The following EIF4G2 variants were observed in gnomAD, a reference collection of about 807,000 sequenced individuals.
The protein encoded by EIF4G2 is DAP-5.
In EIF4G2, 8 loss-of-function variants were observed where a neutral mutation model predicts 117.7. That is an observed-to-expected ratio of 0.07 (90% confidence interval 0.04 to 0.12). The LOEUF (loss-of-function observed/expected upper bound fraction) is 0.12. EIF4G2 is among the 10% of genes least tolerant of loss of function. The probability of loss-of-function intolerance (pLI) is 1.00; values close to 1 mark genes in which losing one functional copy is unlikely to be tolerated. For synonymous variants in EIF4G2, 413 were observed against 367.8 expected, an observed-to-expected ratio of 1.12 and a Z score of -1.41; for missense variants, 812 against 1,086.2, an observed-to-expected ratio of 0.75 and a Z score of 3.55.
At chr11:10,799,914 T>A in intron 18 of EIF4G2, 158 bp from the exon 19 acceptor site, 1 of 1,152,542 alleles carries the variant, frequency 8.7e-7, no homozygotes, top group South Asian at 1.6e-5. Context: ...AACATACGGA[T>A]CAAATGAAAG....
chr11:10,797,599 A>C lies in EIF4G2; in HGVS notation c.*217T>G. On this transcript the variant is annotated 3_prime_UTR_variant, in exon 22 of 22. Transcript: ENST00000339995. This position sits in a 1 kb window ranked among gnomAD's most constrained non-coding sequence, Gnocchi z 4.5. ...TTGCATGCTGCTAATATACTATCTA[A>C]ACATTAAAGATACTCCTAAAATATT... is the stretch of plus-strand genomic sequence containing the variant. 1 of 562,378 alleles carries C rather than the reference A, an allele frequency of 1.8e-6. No individual in the cohort carries two copies. Among genetic ancestry groups the C allele is most frequent in the South Asian group, 2.2e-5 (1 of 44,890 alleles). 34.8% of individuals were successfully genotyped at this position (562,378 alleles called of 1,614,324 possible).
In EIF4G2 at chr11:10,804,125, TA is replaced by T. The variant is rs780986160; in HGVS notation, c.550+11del. 16 of 1,614,034 alleles carry T rather than the reference TA, an allele frequency of 9.9e-6. No homozygotes were observed. Among genetic ancestry groups the T allele is most frequent in the Non-Finnish European group, 1.2e-5 (14 of 1,179,986 alleles). ...ATATACAGTAGTACTTATTATCAGC[TA>T]TAAGTCTTACCATCAACATTTCTAG... On this transcript the variant is annotated intron_variant, in intron 7 of 21. Transcript: ENST00000339995.
At position 10,803,801 on chromosome 11, in the gene EIF4G2, A is replaced by G; in HGVS notation, c.702+98T>C. On this transcript the variant is annotated intron_variant, in intron 8 of 21. Transcript: ENST00000339995. This position sits in a 1 kb window ranked among gnomAD's most constrained non-coding sequence, Gnocchi z 4.0. The stretch of plus-strand genomic sequence containing the variant: ...TTCTGTTTAGTAAATTTTGTTGCAC[A>G]TCTGTATTTAACTAGTCAACCTCCC... The G allele has an allele frequency of 7.0e-7, 1 of 1,426,830 alleles. No individual in the cohort carries two copies. Among genetic ancestry groups the G allele is most frequent in the South Asian group, 1.3e-5 (1 of 75,410 alleles). The allele number at this position is 1,426,830 out of a possible 1,614,324, so 88.4% of individuals were successfully genotyped here.
intron 1 of EIF4G2, chr11:10,808,403 C>T: frequency 8.0e-7 from 1 of 1,254,294 alleles, no homozygotes; most frequent in Non-Finnish European, 1.0e-6. Flanking sequence ...CGCTCCCTCG[C>T]CGTCCGAGCA....
At chr11:10,808,164 G>A in intron 1 of EIF4G2, 1 of 1,111,202 alleles carries the variant, frequency 9.0e-7, no homozygotes, top group Non-Finnish European at 1.1e-6. Flanking sequence ...ATCCCCCCGG[G>A]ACTGACAACC....
At position 10,797,588 on chromosome 11, in the gene EIF4G2, T is replaced by C; in HGVS notation, c.*228A>G. On this transcript the variant is annotated 3_prime_UTR_variant, in exon 22 of 22. Transcript: ENST00000339995. The surrounding 1 kb of genome is among the most constrained non-coding windows in gnomAD (Gnocchi z 4.5). Reference sequence around the variant, plus strand: ...TGATGTAATTATTGCATGCTGCTAATATACTATCTAAACATTAAAGATACT... The same window carrying C: ...TGATGTAATTATTGCATGCTGCTAACATACTATCTAAACATTAAAGATACT... The C allele has an allele frequency of 1.9e-6, 1 of 536,114 alleles. No homozygotes were observed. Among genetic ancestry groups the C allele is most frequent in the Non-Finnish European group, 3.3e-6 (1 of 301,428 alleles). 33.2% of individuals were successfully genotyped at this position (536,114 alleles called of 1,614,324 possible).
In EIF4G2 at chr11:10,800,792, T is replaced by C; in HGVS notation, c.1583A>G (p.Glu528Gly). The C allele has an allele frequency of 6.2e-7, 1 of 1,614,236 alleles. No individual in the cohort carries two copies. The highest frequency in any genetic ancestry group is 8.5e-7 in the Non-Finnish European group (1 of 1,180,032). The stretch of plus-strand genomic sequence containing the variant: ...CTTTTTGCTGGTCTTGGCAGGCTTT[T>C]CCTGGATAAGCGGTGGATTAGTTTT... The change falls in exon 16 of 22, where the codon GAA becomes GGA. Residue 528 changes from glutamate to glycine, a missense_variant. Physicochemically the swap from Glu to Gly is moderately conservative, Grantham distance 98. This residue lies in a region of EIF4G2 where 571 missense variants were observed against 642.3 expected (regional missense o/e 0.89). Transcript: ENST00000339995.
At chr11:10,800,026 A>C in intron 18 of EIF4G2, 64 bp downstream of exon 18, 1 of 1,550,424 alleles carries the variant, frequency 6.4e-7, no homozygotes, top group Non-Finnish European at 8.7e-7. Flanking sequence ...AATCCACTCA[A>C]GGTACCTGAA....
intron 13 of EIF4G2, 83 bp downstream of exon 13, chr11:10,801,966 C>CTA (rs1847431687): frequency 2.0e-6 from 1 of 495,568 alleles, no homozygotes; most frequent in Admixed American, 1.0e-4. Flanking sequence ...TAATACTTTA[C>CTA]TAATCTTAAG....
Position 10,802,327 on chromosome 11 carries a change from C to G in EIF4G2, c.1105G>C (p.Gly369Arg). The G allele has an allele frequency of 6.2e-7, 1 of 1,613,738 alleles. No homozygotes were observed. The highest frequency in any genetic ancestry group is 8.5e-7 in the Non-Finnish European group (1 of 1,179,906). ...TGTCCAAACATATCAGCAAGTCCTC[C>G]AAGTGGGTCCCTATCCATTTTCATC... is the stretch of plus-strand genomic sequence containing the variant. The change falls in exon 12 of 22, where the codon GGA becomes CGA. Residue 369 changes from glycine (G) to arginine (R), a missense_variant. Physicochemically the swap from Gly to Arg is moderately radical, Grantham distance 125. Coordinates refer to ENST00000339995, the MANE Select transcript of EIF4G2 (RefSeq NM_001418.4).
intron 11 of EIF4G2, 75 bp from the exon 12 acceptor site, chr11:10,802,510 G>T (rs1349517849): frequency 6.9e-7 from 1 of 1,446,462 alleles, no homozygotes; most frequent in African/African-American, 1.4e-5. Flanking sequence ...CTTGCAACTA[G>T]GGGGGGAAAC....
At position 10,802,999 on chromosome 11, in the gene EIF4G2, A is replaced by G. The variant is rs773757042; in HGVS notation, c.996+31T>C. On this transcript the variant is annotated intron_variant, in intron 11 of 21. Transcript: ENST00000339995. ...ATTCTATTCTACACACACAGAGTCT[A>G]TGTGACAAACAAAACAAAACCCAAT... 1.0e-5 allele frequency: 16 copies of G among 1,591,402 alleles called. No individual in the cohort carries two copies. The Admixed American group carries it at 1.4e-4, about 13-fold the overall frequency.
In EIF4G2 at chr11:10,799,345, A is replaced by C. The variant is rs1001129628; in HGVS notation, c.2404T>G (p.Leu802Val). The C allele has an allele frequency of 2.5e-6, 4 of 1,613,684 alleles. No individual in the cohort carries two copies. The highest frequency in any genetic ancestry group is 8.5e-7 in the Non-Finnish European group (1 of 1,180,010). The change falls in exon 20 of 22, where the codon TTA becomes GTA. Residue 802 changes from leucine to valine, a missense_variant. Physicochemically the swap from Leu to Val is conservative, Grantham distance 32. Coordinates refer to ENST00000339995, the MANE Select transcript of EIF4G2 (RefSeq NM_001418.4). ...AGTAGTAGTTGTTTTTCCTGCTCTAACTGTTCTTTGGAAGGAGCAGAGGAT... is the reference window on the plus strand; with the variant it reads ...AGTAGTAGTTGTTTTTCCTGCTCTACCTGTTCTTTGGAAGGAGCAGAGGAT...
chr11:10,797,991 T>TA lies in EIF4G2; in HGVS notation c.2659-111dup, dbSNP rs1328430320. ...TTAGAATATGAAACAAGGATATCCC[T>TA]ACCAACAATTTGTATATTAAGTTAA... On this transcript the variant is annotated intron_variant, in intron 21 of 21. Transcript: ENST00000339995. This position sits in a 1 kb window ranked among gnomAD's most constrained non-coding sequence, Gnocchi z 4.5. The TA allele has an allele frequency of 4.4e-6, 4 of 917,594 alleles. No individual in the cohort carries two copies. The highest frequency in any genetic ancestry group is 6.8e-6 in the Non-Finnish European group (4 of 584,764). 56.8% of individuals were successfully genotyped at this position (917,594 alleles called of 1,614,324 possible).
chr11:10,799,401 T>C lies in EIF4G2; in HGVS notation c.2348A>G (p.Glu783Gly), dbSNP rs199958102. The C allele has an allele frequency of 1.5e-4, 238 of 1,611,710 alleles. 1 individual carries two copies. Among genetic ancestry groups the C allele is most frequent in the East Asian group, 2.2e-5 (1 of 44,876 alleles). Residue 783 changes from glutamate (E) to glycine (G), a missense_variant, in exon 20 of 22, where the codon GAA (glutamate) becomes GGA (glycine). By Grantham distance (98) the Glu-to-Gly change is moderately conservative. This residue lies in a region of EIF4G2 where 571 missense variants were observed against 642.3 expected (regional missense o/e 0.89). Transcript: ENST00000339995. ...TGTTTCATCGCTGGGGGGGTTTACT[T>C]CACTAGAAATGTACTGTAAGAAGCT...
intron 4 of EIF4G2, among the ~76,000 whole-genome samples, chr11:10,805,304 A>C (rs1254708822): frequency 2.0e-5 from 3 of 152,170 alleles, no homozygotes; most frequent in African/African-American, 7.2e-5. Flanking sequence ...ATGAACTAAG[A>C]CCATTATATT....
chr11:10,800,217 T>C lies in EIF4G2; in HGVS notation c.1992A>G (p.Pro664=). 1 of 1,614,170 alleles carries C rather than the reference T, an allele frequency of 6.2e-7. No individual in the cohort carries two copies. Among genetic ancestry groups the C allele is most frequent in the East Asian group, 2.2e-5 (1 of 44,884 alleles). The change falls in exon 18 of 22, where the codon CCA becomes CCG. Residue 664 remains proline (P), a synonymous_variant. Coordinates refer to ENST00000339995, the MANE Select transcript of EIF4G2 (RefSeq NM_001418.4). Reference sequence around the variant, plus strand: ...GAGGAAAATGGGTGCCACTTTCTAGTGGTTGAGCTAGTTCTGAAATGCTCA... The same window carrying C: ...GAGGAAAATGGGTGCCACTTTCTAGCGGTTGAGCTAGTTCTGAAATGCTCA...
rs1847298593 is a variant in EIF4G2, at chr11:10,797,753, G to A, written c.*63C>T. 1 of 1,532,692 alleles carries A rather than the reference G, an allele frequency of 6.5e-7. No homozygotes were observed. Among genetic ancestry groups the A allele is most frequent in the East Asian group, 2.3e-5 (1 of 44,426 alleles). The allele number at this position is 1,532,692 out of a possible 1,614,324, so 94.9% of individuals were successfully genotyped here. On this transcript the variant is annotated 3_prime_UTR_variant, in exon 22 of 22. Transcript: ENST00000339995. This position sits in a 1 kb window ranked among gnomAD's most constrained non-coding sequence, Gnocchi z 4.5. ...CGGAATGAATTTTCGCAGTGGTTAGGTCAAATGCAGTTACATCATAGCAAC... is the reference window on the plus strand; with the variant it reads ...CGGAATGAATTTTCGCAGTGGTTAGATCAAATGCAGTTACATCATAGCAAC...
rs373625223 is a variant in EIF4G2, at chr11:10,799,513, C to A, written c.2324+39G>T. 3 of 1,609,546 alleles carry A rather than the reference C, an allele frequency of 1.9e-6. No individual in the cohort carries two copies. The African/African-American group carries it at 4.0e-5, about 22-fold the overall frequency. On this transcript the variant is annotated intron_variant, in intron 19 of 21. Coordinates refer to ENST00000339995, the MANE Select transcript of EIF4G2 (RefSeq NM_001418.4). ...AGTCTCCTACGCTTCTTTTCCAGTACATGAAACATTACCATATGCAGAAAA... is the reference window on the plus strand; with the variant it reads ...AGTCTCCTACGCTTCTTTTCCAGTAAATGAAACATTACCATATGCAGAAAA...
Sources: gnomAD v4.1 joint callset for allele counts (sites outside exome capture counted in the v4.1 genomes callset) on GRCh38, gnomAD v4.1.1 for gene constraint, gnomAD v4.1.1 regional missense constraint, Gnocchi (gnomAD v3.1) non-coding constraint, MANE v1.5 for transcripts, NCBI Gene and HGNC (gene_info 2026-07-23, HGNC 2026-07-21) for gene names.